JAK2: variants seen among roughly 807,000 people sequenced by gnomAD.
The protein encoded by JAK2 is tyrosine-protein kinase JAK2.
JAK2 carries 86 observed loss-of-function variants against 139.3 expected under a neutral mutation model. That is an observed-to-expected ratio of 0.62 (90% CI 0.52 to 0.74). The LOEUF is 0.74. Ranked by LOEUF, JAK2 falls within the 30% of genes least tolerant of loss-of-function variation. JAK2 has a pLI of 0.00. For missense variants in JAK2, 1,421 were observed against 1,360.3 expected (o/e 1.04, Z -0.70); for synonymous variants, 490 against 437.7 (o/e 1.12, Z -1.49).
intron 22 of JAK2, among the ~76,000 whole-genome samples, chr9:5,118,330 C>A (rs1340526390): frequency 1.3e-5 from 2 of 152,090 alleles, no homozygotes; most frequent in Non-Finnish European, 2.9e-5. Context: ...ATATGTTACA[C>A]TTTGTATTTG....
intron 2 of JAK2, among the ~76,000 whole-genome samples, chr9:5,021,128 G>T (rs1238927896): frequency 6.6e-6 from 1 of 152,168 alleles, no homozygotes. Flanking sequence ...CATTGTGCAG[G>T]CTCTCTAGGC....
At chr9:5,046,365 T>A (rs1817010323) in intron 5 of JAK2, among the ~76,000 whole-genome samples, 1 of 152,220 alleles carries the variant, frequency 6.6e-6, no homozygotes, top group Non-Finnish European at 1.5e-5. Context: ...GGTTGCCTTT[T>A]CATTCTGTTG....
chr9:5,032,694 C>T (rs1217479749), intron 4 of JAK2, among the ~76,000 whole-genome samples: 4 of 152,174 alleles, frequency 2.6e-5, no homozygotes. Flanking sequence ...TCCTGACTGT[C>T]AGAAGGAAAA....
intron 10 of JAK2, 137 bp from the exon 11 acceptor site, chr9:5,068,885 C>G (rs1163676732): frequency 1.9e-6 from 1 of 533,920 alleles, no homozygotes; most frequent in Non-Finnish European, 3.3e-6. Context: ...ACTTCTATCA[C>G]TATACTGGCA....
At position 5,029,875 on chromosome 9, in the gene JAK2, T is replaced by A. The variant is rs764215783; in HGVS notation, c.319T>A (p.Ser107Thr). Residue 107 changes from serine (S) to threonine (T), a missense_variant, in exon 4 of 25, where the codon TCA (serine) becomes ACA (threonine). Physicochemically the swap from Ser to Thr is moderately conservative, Grantham distance 58. Transcript: ENST00000381652. ...CAACCATGTCTTCCATATAGATGAG[T>A]CAACCAGGCATAATGTACTCTACAG... ...PPNHVFHIDE[S>T]TRHNVLYRIR... 1 of 1,612,410 alleles carries A rather than the reference T, an allele frequency of 6.2e-7. No homozygotes were observed. Among genetic ancestry groups the A allele is most frequent in the South Asian group, 1.1e-5 (1 of 90,830 alleles).
intron 19 of JAK2, among the ~76,000 whole-genome samples, chr9:5,088,417 T>C (rs903118413): frequency 3.3e-5 from 5 of 152,204 alleles, no homozygotes; most frequent in Non-Finnish European, 5.9e-5. Flanking sequence ...TGCAATAATA[T>C]CCAAAATACA....
intron 4 of JAK2, among the ~76,000 whole-genome samples, chr9:5,040,073 T>C (rs1211428959): frequency 6.6e-6 from 1 of 152,216 alleles, no homozygotes; most frequent in African/African-American, 2.4e-5. Flanking sequence ...ACAAAAGGAC[T>C]GTAATCAAGA....
Position 5,073,681 on chromosome 9 carries a change from CTT to C in JAK2, c.1777-8_1777-7del. 7.0e-7 allele frequency: 1 copy of C among 1,425,524 alleles called. No homozygotes were observed. 88.3% of individuals were successfully genotyped at this position (1,425,524 alleles called of 1,614,324 possible). ...AACAGTCAAACAACAATTCTTTGTACTTTTTTTTTTCCTTAGTCTTTCTTTGA... is the reference window on the plus strand; with the variant it reads ...AACAGTCAAACAACAATTCTTTGTACTTTTTTTTCCTTAGTCTTTCTTTGA... On this transcript the variant is annotated splice_polypyrimidine_tract_variant and intron_variant, in intron 13 of 24. Transcript: ENST00000381652.
chr9:5,069,695 A>G (rs528654665), intron 11 of JAK2, among the ~76,000 whole-genome samples: 2 of 152,176 alleles, frequency 1.3e-5, no homozygotes, highest in Non-Finnish European at 2.9e-5. Flanking sequence ...CAAAATCCAA[A>G]TTACATTAGT....
At chr9:5,061,943 G>A (rs1176692415) in intron 8 of JAK2, among the ~76,000 whole-genome samples, 1 of 152,184 alleles carries the variant, frequency 6.6e-6, no homozygotes, top group East Asian at 1.9e-4. Context: ...TTGTGTCTGA[G>A]GGAATAGGGA....
At chr9:5,050,391 C>T (rs1817330172) in intron 5 of JAK2, among the ~76,000 whole-genome samples, 1 of 152,178 alleles carries the variant, frequency 6.6e-6, no homozygotes, top group South Asian at 2.1e-4. Context: ...CTACCTCAGC[C>T]CCCCAAGTAG....
intron 22 of JAK2, among the ~76,000 whole-genome samples, chr9:5,119,273 G>A (rs1490371613): frequency 6.6e-6 from 1 of 151,956 alleles, no homozygotes; most frequent in East Asian, 1.9e-4. Context: ...TTTAAAACCT[G>A]AGAAACAAAT....
At chr9:5,037,027 C>T (rs923576922) in intron 4 of JAK2, among the ~76,000 whole-genome samples, 2 of 152,092 alleles carry the variant, frequency 1.3e-5, no homozygotes, top group Non-Finnish European at 2.9e-5. Context: ...AAAACAACAA[C>T]CCCATCAAAA....
rs757327746 is a variant in JAK2, at chr9:5,069,050, G to T, written c.1355G>T (p.Cys452Phe). 10 of 1,600,014 alleles carry T rather than the reference G, an allele frequency of 6.2e-6. No individual in the cohort carries two copies. The highest frequency in any genetic ancestry group is 3.3e-4 in the Middle Eastern group (2 of 5,980). Residue 452 changes from cysteine to phenylalanine, a missense_variant, in exon 11 of 25, where the codon TGT becomes TTT. Cys to Phe is a radical substitution (Grantham distance 205, BLOSUM62 -2). Transcript: ENST00000381652. Reference protein sequence around the residue: ...ERENVIEYKHCLITKNENEEY... With the variant: ...ERENVIEYKHFLITKNENEEY... ...GAAAATGTCATTGAATATAAACACT[G>T]TTTGATTACAAAAAATGAGAATGAA...
chr9:4,997,136 C>T (rs1035816481), intron 2 of JAK2, among the ~76,000 whole-genome samples: 1 of 151,668 alleles, frequency 6.6e-6, no homozygotes, highest in Non-Finnish European at 1.5e-5. Flanking sequence ...TTCACCGTGT[C>T]ACTCAGTCTG....
At chr9:5,115,342 A>G (rs2130821457) in intron 22 of JAK2, among the ~76,000 whole-genome samples, 1 of 152,332 alleles carries the variant, frequency 6.6e-6, no homozygotes, top group East Asian at 1.9e-4. Flanking sequence ...AGAGAAATGC[A>G]AATCAAAACC....
intron 22 of JAK2, among the ~76,000 whole-genome samples, chr9:5,092,637 A>G (rs1820675383): frequency 6.6e-6 from 1 of 152,220 alleles, no homozygotes. Context: ...AAGCCCTTAT[A>G]CCTTCTGCAT....
At chr9:5,085,287 G>A (rs773653682) in intron 19 of JAK2, 1 of 710,844 alleles carries the variant, frequency 1.4e-6, no homozygotes, top group Non-Finnish European at 2.7e-6. Context: ...GTTTGCCTAT[G>A]TTAGAACATG....
intron 2 of JAK2, among the ~76,000 whole-genome samples, chr9:5,002,628 A>G (rs1820992980): frequency 6.6e-6 from 1 of 151,920 alleles, no homozygotes; most frequent in South Asian, 2.1e-4. Flanking sequence ...GTGTTCTGTA[A>G]ATGTCAGTTA....
Sources: allele counts gnomAD v4.1 joint callset (sites outside exome capture counted in the v4.1 genomes callset), GRCh38; gene constraint gnomAD v4.1.1; transcripts MANE v1.5; gene names NCBI Gene and HGNC (gene_info 2026-07-23, HGNC 2026-07-21).